The following USP33 variants were observed in gnomAD, a reference collection of about 807,000 sequenced individuals.
The protein encoded by USP33 is ubiquitin carboxyl-terminal hydrolase 33.
A neutral mutation model predicts 124.2 loss-of-function variants in USP33; 46 were observed. That is an observed-to-expected ratio of 0.37 (90% CI 0.29 to 0.47). The LOEUF (loss-of-function observed/expected upper bound fraction) is 0.47. USP33 is among the 20% of genes least tolerant of loss of function. USP33 has a pLI of 0.99. For missense variants in USP33, 851 were observed against 1,070.6 expected (o/e 0.79, Z 2.86); for synonymous variants, 350 against 352.3 (o/e 0.99, Z 0.07).
Position 77,701,438 on chromosome 1 carries a change from C to A in USP33, c.2440G>T (p.Ala814Ser). 1 of 1,612,870 alleles carries A rather than the reference C, an allele frequency of 6.2e-7. No homozygotes were observed. The highest frequency in any genetic ancestry group is 1.3e-5 in the African/African-American group (1 of 74,898). The change falls in exon 22 of 24, where the codon GCT (alanine) becomes TCT (serine). Residue 814 changes from alanine to serine, a missense_variant. Coordinates refer to ENST00000370794, the MANE Select transcript of USP33 (RefSeq NM_201624.3). ...NRAFQKEDSP[A>S]TFYCISMQWF... ...TGCATACTGATGCAATAAAAAGTAGCTGGAGAGTCCTCTTTTTGGAACGCT... is the reference window on the plus strand; with the variant it reads ...TGCATACTGATGCAATAAAAAGTAGATGGAGAGTCCTCTTTTTGGAACGCT...
Position 77,721,145 on chromosome 1 carries a change from ATTAAAAGCACTG to A in USP33, c.1691+15_1691+26del. 1 of 1,613,402 alleles carries A rather than the reference ATTAAAAGCACTG, an allele frequency of 6.2e-7. No homozygotes were observed. The highest frequency in any genetic ancestry group is 8.5e-7 in the Non-Finnish European group (1 of 1,179,658). On this transcript the variant is annotated intron_variant, in intron 15 of 23. Coordinates refer to ENST00000370794, the MANE Select transcript of USP33 (RefSeq NM_201624.3). Reference sequence around the variant, plus strand: ...AACCAAGAAAAATACACAACATGCAATTAAAAGCACTGTCAATGTCACTTACTTTTTGCATTT... The same window carrying A: ...AACCAAGAAAAATACACAACATGCAATCAATGTCACTTACTTTTTGCATTT...
intron 1 of USP33, among the ~76,000 whole-genome samples, chr1:77,745,007 T>C (rs927964227): frequency 1.3e-5 from 2 of 152,240 alleles, no homozygotes; most frequent in Admixed American, 6.5e-5. Flanking sequence ...TTGATCTGTC[T>C]AATGTTGACA....
intron 4 of USP33, among the ~76,000 whole-genome samples, chr1:77,740,061 G>A (rs927485714): frequency 1.3e-5 from 2 of 152,318 alleles, no homozygotes. Flanking sequence ...TGATGCTGTA[G>A]AGGTATCAAT....
intron 1 of USP33, among the ~76,000 whole-genome samples, chr1:77,752,105 T>C (rs1680395304): frequency 6.6e-6 from 1 of 151,928 alleles, no homozygotes; most frequent in African/African-American, 2.4e-5. Context: ...AATTTTAATA[T>C]TAGGAAAAGT....
Position 77,736,068 on chromosome 1 carries a change from G to A in USP33, c.442C>T (p.Leu148Phe), listed in dbSNP as rs1189111252. Residue 148 changes from leucine to phenylalanine, a missense_variant, in exon 6 of 24, where the codon CTT becomes TTT. By Grantham distance (22) the Leu-to-Phe change is conservative (BLOSUM62 0). Around this residue, in one of 4 missense-constraint regions of USP33, gnomAD observed 221 missense variants for 302.9 expected, o/e 0.73. Coordinates refer to ENST00000370794, the MANE Select transcript of USP33 (RefSeq NM_201624.3). ...AGGATTAATTTACCTCTGGCCCTAAGTTCATCTTCTTCATCCGCTTCTATA... is the reference window on the plus strand; with the variant it reads ...AGGATTAATTTACCTCTGGCCCTAAATTCATCTTCTTCATCCGCTTCTATA... ...LDIEADEEDE[L>F]RARGLTGLKN... 3.1e-6 allele frequency: 5 copies of A among 1,610,702 alleles called. No homozygotes were observed. The highest frequency in any genetic ancestry group is 4.2e-6 in the Non-Finnish European group (5 of 1,178,320).
In USP33 at chr1:77,718,609, T is replaced by A; in HGVS notation, c.1724A>T (p.Gln575Leu). 6.2e-7 allele frequency: 1 copy of A among 1,608,384 alleles called. No individual in the cohort carries two copies. Among genetic ancestry groups the A allele is most frequent in the Non-Finnish European group, 8.5e-7 (1 of 1,175,986 alleles). ...TAATGCCCATACCTCAGGAAAGTTTTGTACTTTACAAAACTTCACTCCATT... is the reference window on the plus strand; with the variant it reads ...TAATGCCCATACCTCAGGAAAGTTTAGTACTTTACAAAACTTCACTCCATT... ...LRNGVKFCKV[Q>L]NFPEILCIHL... is the part of the protein sequence containing the mutation. The change falls in exon 16 of 24, where the codon CAA (glutamine) becomes CTA (leucine). Residue 575 changes from glutamine (Q) to leucine (L), a missense_variant. Gln to Leu is a moderately radical substitution (Grantham distance 113). Around this residue, in one of 4 missense-constraint regions of USP33, gnomAD observed 281 missense variants for 425.0 expected, o/e 0.66. Coordinates refer to ENST00000370794, the MANE Select transcript of USP33 (RefSeq NM_201624.3).
intron 17 of USP33, among the ~76,000 whole-genome samples, 165 bp from the exon 18 acceptor site, chr1:77,716,033 C>T (rs1443549413): frequency 6.6e-6 from 1 of 152,066 alleles, no homozygotes; most frequent in Non-Finnish European, 1.5e-5. Flanking sequence ...CCTTCATCAC[C>T]TGACGACAGA....
chr1:77,727,240 A>C (rs1027278424), intron 10 of USP33, among the ~76,000 whole-genome samples: 2 of 152,158 alleles, frequency 1.3e-5, no homozygotes, highest in African/African-American at 4.8e-5. Flanking sequence ...TTTTTTCATC[A>C]AGCCCTTAAA....
intron 1 of USP33, among the ~76,000 whole-genome samples, chr1:77,744,359 A>G (rs1392476004): frequency 5.9e-5 from 9 of 152,178 alleles, no homozygotes; most frequent in Admixed American, 5.9e-4. Flanking sequence ...TGACAGAACA[A>G]AGATAGACTA....
At chr1:77,708,084 T>A (rs937579234) in intron 21 of USP33, among the ~76,000 whole-genome samples, 22 of 152,190 alleles carry the variant, frequency 1.4e-4, no homozygotes, top group African/African-American at 5.1e-4. Flanking sequence ...GGCAGAAGCA[T>A]GATATTGTTG....
rs531632530 is a variant in USP33, at chr1:77,742,915, A to ATTATTTAT, written c.-51-1175_-51-1168dup. On this transcript the variant is annotated intron_variant, in intron 1 of 23. Coordinates refer to ENST00000370794, the MANE Select transcript of USP33 (RefSeq NM_201624.3). ...ATATAAGAGTGTCTGTCTGCCTTTT[A>ATTATTTAT]TTATTTATTTATTTATTTATTTATT... Among the ~76,000 whole-genome samples, 1,083 of 147,690 alleles carry ATTATTTAT rather than the reference A, an allele frequency of 7.3e-3. 7 individuals carry two copies. Among genetic ancestry groups the ATTATTTAT allele is most frequent in the African/African-American group, 0.019 (757 of 39,492 alleles).
chr1:77,709,244 T>C, intron 21 of USP33, among the ~76,000 whole-genome samples: 1 of 152,126 alleles, frequency 6.6e-6, no homozygotes, highest in Non-Finnish European at 1.5e-5. Flanking sequence ...CACAGTAGTT[T>C]ATGCTTGTAA....
chr1:77,714,926 A>G (rs1056646474), intron 18 of USP33, 143 bp from the exon 19 acceptor site: 13 of 801,936 alleles, frequency 1.6e-5, no homozygotes, highest in African/African-American at 3.5e-5. Context: ...TATACTTTGT[A>G]TTATCCACCA....
intron 4 of USP33, 44 bp downstream of exon 4, chr1:77,740,833 C>A: frequency 1.5e-6 from 2 of 1,378,104 alleles, no homozygotes; most frequent in South Asian, 1.3e-5. Flanking sequence ...TTCCTTCAGG[C>A]ACTTTTTTTA....
At chr1:77,698,028 T>A in intron 22 of USP33, 97 bp from the exon 23 acceptor site, 1 of 844,446 alleles carries the variant, frequency 1.2e-6, no homozygotes, top group Non-Finnish European at 1.9e-6. Context: ...AACTACATTA[T>A]CAGACTGGTT....
intron 17 of USP33, 119 bp downstream of exon 17, chr1:77,717,748 A>T (rs1462738359): frequency 3.4e-6 from 3 of 875,260 alleles, no homozygotes; most frequent in Non-Finnish European, 3.2e-6. Context: ...GGCTTTAATT[A>T]AGTGATTCTC....
intron 22 of USP33, among the ~76,000 whole-genome samples, chr1:77,699,248 C>T (rs1183463647): frequency 6.6e-6 from 1 of 152,144 alleles, no homozygotes; most frequent in Non-Finnish European, 1.5e-5. Flanking sequence ...AGGCTGGGCC[C>T]AGTGGCTTAT....
At position 77,717,316 on chromosome 1, in the gene USP33, C is replaced by A. The variant is rs907233199; in HGVS notation, c.1918+551G>T. On this transcript the variant is annotated intron_variant, in intron 17 of 23. Coordinates refer to ENST00000370794, the MANE Select transcript of USP33 (RefSeq NM_201624.3). ...CATCCTGGCTAACACGGTGAAACCC[C>A]GTCTCCACTAAAAATACAAAAAAAT... Among the ~76,000 whole-genome samples, 8 of 152,016 alleles carry A rather than the reference C, an allele frequency of 5.3e-5. No individual in the cohort carries two copies. In the South Asian group the frequency reaches 1.7e-3, roughly 32 times the overall value.
At chr1:77,732,109 TA>T (rs77932938) in intron 7 of USP33, among the ~76,000 whole-genome samples, 7,460 of 128,830 alleles carry the variant, frequency 0.058, 208 homozygotes, top group Middle Eastern at 0.11. Context: ...GTCTCTAACT[TA>T]AAAAAAAAAA....
Sources: gnomAD v4.1 joint callset for allele counts (sites outside exome capture counted in the v4.1 genomes callset) on GRCh38, gnomAD v4.1.1 for gene constraint, gnomAD v4.1.1 regional missense constraint, MANE v1.5 for transcripts, NCBI Gene and HGNC (gene_info 2026-07-23, HGNC 2026-07-21) for gene names.